The following ADGRB3 variants were observed in gnomAD, a reference collection of about 807,000 sequenced individuals.
ADGRB3 encodes adhesion G protein-coupled receptor B3.
Under a neutral mutation model 193.4 loss-of-function variants are expected in ADGRB3, and 37 were observed. The observed-to-expected ratio is 0.19, with a 90% CI of 0.15 to 0.25. The LOEUF (loss-of-function observed/expected upper bound fraction) is 0.25, where lower values mean the gene tolerates loss of function less well. ADGRB3 is among the 10% of genes least tolerant of loss of function. ADGRB3 has a pLI of 1.00. For missense variants in ADGRB3, 1,637 were observed against 1,852.9 expected (o/e 0.88, Z 2.14); for synonymous variants, 690 against 644.2 (o/e 1.07, Z -1.08).
At chr6:68,974,982 G>T in intron 9 of ADGRB3, 118 bp downstream of exon 9, 1 of 859,834 alleles carries the variant, frequency 1.2e-6, no homozygotes, top group Non-Finnish European at 1.8e-6. Flanking sequence ...TGTCCAATAA[G>T]CAAATAATGA....
At chr6:69,027,548 C>G (rs1262744411) in intron 13 of ADGRB3, among the ~76,000 whole-genome samples, 1 of 152,136 alleles carries the variant, frequency 6.6e-6, no homozygotes, top group Non-Finnish European at 1.5e-5. Context: ...TGACTACCAT[C>G]ATATAAAGGG....
chr6:68,780,185 A>G (rs1766826520), intron 3 of ADGRB3, among the ~76,000 whole-genome samples: 1 of 152,052 alleles, frequency 6.6e-6, no homozygotes, highest in Non-Finnish European at 1.5e-5. Flanking sequence ...TAACAGCTGC[A>G]TCATTGAGAA....
intron 3 of ADGRB3, among the ~76,000 whole-genome samples, chr6:68,698,814 T>C (rs529178933): frequency 6.6e-6 from 1 of 152,188 alleles, no homozygotes; most frequent in East Asian, 1.9e-4. Context: ...TTTTGTGATT[T>C]CTATGAAAGA....
At chr6:68,777,420 G>A (rs985969595) in intron 3 of ADGRB3, among the ~76,000 whole-genome samples, 4 of 151,938 alleles carry the variant, frequency 2.6e-5, no homozygotes, top group Admixed American at 2.6e-4. Context: ...TTCCTGCTGT[G>A]AATATCTCTA....
intron 17 of ADGRB3, among the ~76,000 whole-genome samples, chr6:69,209,598 T>A (rs1226447427): frequency 3.3e-5 from 5 of 152,232 alleles, no homozygotes; most frequent in African/African-American, 4.8e-5. Context: ...TCTCTCTGAA[T>A]AAGATTATGA....
intron 26 of ADGRB3, among the ~76,000 whole-genome samples, chr6:69,350,355 C>T (rs1769195859): frequency 6.7e-6 from 1 of 150,288 alleles, no homozygotes; most frequent in South Asian, 2.1e-4. Flanking sequence ...TCCTAAATAT[C>T]CCAATATTAG....
At chr6:69,309,068 G>T (rs1007270224) in intron 20 of ADGRB3, among the ~76,000 whole-genome samples, 1 of 151,608 alleles carries the variant, frequency 6.6e-6, no homozygotes, top group Non-Finnish European at 1.5e-5. Context: ...ACAGTGATTG[G>T]TGAACTCCCC....
At chr6:68,869,730 A>T (rs1765404083) in intron 3 of ADGRB3, among the ~76,000 whole-genome samples, 1 of 140,598 alleles carries the variant, frequency 7.1e-6, no homozygotes, top group East Asian at 2.2e-4. Flanking sequence ...GCATACATAC[A>T]TAACTTTGAA....
intron 17 of ADGRB3, among the ~76,000 whole-genome samples, chr6:69,129,604 G>T (rs936449087): frequency 3.3e-5 from 5 of 152,012 alleles, no homozygotes; most frequent in African/African-American, 9.7e-5. Context: ...AAATTAAAAC[G>T]TTTCATTCTT....
At chr6:68,721,790 T>A (rs1018140757) in intron 3 of ADGRB3, among the ~76,000 whole-genome samples, 1 of 150,942 alleles carries the variant, frequency 6.6e-6, no homozygotes, top group Non-Finnish European at 1.5e-5. Flanking sequence ...CCCAACAAGG[T>A]GGCAATCCCT....
At chr6:68,789,852 C>A (rs978803130) in intron 3 of ADGRB3, among the ~76,000 whole-genome samples, 2 of 152,158 alleles carry the variant, frequency 1.3e-5, no homozygotes, top group Non-Finnish European at 2.9e-5. Context: ...TTGTTCATTT[C>A]TTTTTATTCT....
At chr6:68,701,593 C>G (rs1373357337) in intron 3 of ADGRB3, among the ~76,000 whole-genome samples, 1 of 152,124 alleles carries the variant, frequency 6.6e-6, no homozygotes, top group Non-Finnish European at 1.5e-5. Flanking sequence ...TATTATAGCT[C>G]CTCCTCATGT....
At chr6:69,310,320 C>G (rs1374235229) in intron 20 of ADGRB3, among the ~76,000 whole-genome samples, 1 of 151,732 alleles carries the variant, frequency 6.6e-6, no homozygotes, top group Non-Finnish European at 1.5e-5. Flanking sequence ...CCCAGAAAGA[C>G]AGATTCAGCT....
At chr6:69,262,912 A>G (rs1191464996) in intron 20 of ADGRB3, among the ~76,000 whole-genome samples, 1 of 151,940 alleles carries the variant, frequency 6.6e-6, no homozygotes, top group Non-Finnish European at 1.5e-5. Flanking sequence ...CGTCCCATAA[A>G]GGAGGAGTAC....
intron 3 of ADGRB3, among the ~76,000 whole-genome samples, chr6:68,673,888 A>T (rs967090004): frequency 6.6e-6 from 1 of 152,160 alleles, no homozygotes; most frequent in African/African-American, 2.4e-5. Flanking sequence ...GGGACTATTT[A>T]CTTCCTATTC....
At chr6:69,092,117 T>C (rs1378975854) in intron 17 of ADGRB3, among the ~76,000 whole-genome samples, 2 of 152,328 alleles carry the variant, frequency 1.3e-5, no homozygotes, top group East Asian at 1.9e-4. Flanking sequence ...TTCACCTTTG[T>C]TAGCAAAGAT....
At chr6:68,949,999 TA>T (rs1767872490) in intron 6 of ADGRB3, among the ~76,000 whole-genome samples, 1 of 152,146 alleles carries the variant, frequency 6.6e-6, no homozygotes, top group Admixed American at 6.6e-5. Context: ...TAGTTTAGTA[TA>T]AAATGGCAAA....
chr6:68,812,857 A>C (rs1582221894), intron 3 of ADGRB3, among the ~76,000 whole-genome samples: 5 of 135,216 alleles, frequency 3.7e-5, no homozygotes, highest in African/African-American at 1.4e-4. Context: ...CCAGTGTGTG[A>C]TGTTCCCCTC....
chr6:69,097,869 G>T (rs1772928255), intron 17 of ADGRB3, among the ~76,000 whole-genome samples: 1 of 151,964 alleles, frequency 6.6e-6, no homozygotes, highest in Non-Finnish European at 1.5e-5. Flanking sequence ...AAATGGTACA[G>T]ATTTTTAATG....
Sources: gnomAD v4.1 joint callset for allele counts (sites outside exome capture counted in the v4.1 genomes callset) on GRCh38, gnomAD v4.1.1 for gene constraint, MANE v1.5 for transcripts, NCBI Gene and HGNC (gene_info 2026-07-23, HGNC 2026-07-21) for gene names.